The following SPON2 variants were observed in gnomAD, a reference collection of about 807,000 sequenced individuals.
The protein encoded by SPON2 is spondin-2.
A neutral mutation model predicts 29.9 loss-of-function variants in SPON2; 32 were observed. The observed-to-expected ratio is 1.07, with a 90% CI of 0.81 to 1.44. The LOEUF (loss-of-function observed/expected upper bound fraction) is 1.44, where lower values mean the gene tolerates loss of function less well. SPON2 is among the 40% of genes most tolerant of loss of function. The pLI is 0.00. For missense variants in SPON2, 541 were observed against 455.5 expected (o/e 1.19, Z -1.71); for synonymous variants, 248 against 209.1 (o/e 1.19, Z -1.61).
intron 1 of SPON2, among the ~76,000 whole-genome samples, chr4:1,203,993 C>T (rs1352964602): frequency 6.6e-6 from 1 of 152,140 alleles, no homozygotes; most frequent in African/African-American, 2.4e-5. Flanking sequence ...GCCTCTGCCT[C>T]CTGAGTAGCT....
At chr4:1,205,954 C>T (rs185204431) in intron 1 of SPON2, among the ~76,000 whole-genome samples, 206 of 152,266 alleles carry the variant, frequency 1.4e-3, no homozygotes, top group African/African-American at 4.6e-3. Context: ...CCCTAGCTCC[C>T]CTGGCTGCCT....
intron 1 of SPON2, among the ~76,000 whole-genome samples, chr4:1,207,356 G>A (rs1333717253): frequency 6.6e-6 from 1 of 152,156 alleles, no homozygotes; most frequent in Non-Finnish European, 1.5e-5. Context: ...TCCCCACAGT[G>A]GGCACCCCCA....
intron 5 of SPON2, chr4:1,167,947 C>CTGGGAACCCCG (rs572141640): frequency 2.9e-6 from 1 of 348,108 alleles, no homozygotes; most frequent in Non-Finnish European, 5.2e-6. Flanking sequence ...TAAGGGGCCC[C>CTGGGAACCCCG]TGGGAACCCC....
At chr4:1,183,240 CAAA>C (rs71168813) in intron 1 of SPON2, among the ~76,000 whole-genome samples, 2 of 129,138 alleles carry the variant, frequency 1.5e-5, no homozygotes, top group African/African-American at 3.0e-5. Flanking sequence ...GAAACTCCAT[CAAA>C]AAAAAAAAAA....
chr4:1,200,776 C>A (rs1176828920), intron 1 of SPON2: 1 of 455,952 alleles, frequency 2.2e-6, no homozygotes, highest in Non-Finnish European at 4.4e-6. Flanking sequence ...CAGCCCCCCA[C>A]CCCTCTGGTC....
rs561069341 is a variant in SPON2 at position 1,183,012 on chromosome 4, T to G, written c.-238-3471A>C. 5.3e-5 allele frequency among the ~76,000 whole-genome samples: 8 copies of G among 152,122 alleles called. No homozygotes were observed. In the South Asian group the frequency reaches 1.0e-3, roughly 20 times the overall value. The stretch of plus-strand genomic sequence containing the variant: ...AGGGCTGGGTGTGGTGGCTCACTCC[T>G]GTAATCCCAGCTGAGGTCAGGAGTT... On this transcript the variant is annotated intron_variant, in intron 1 of 3. Transcript: ENST00000502483.
At position 1,195,004 on chromosome 4, in the gene SPON2, T is replaced by TTCCAACCCCACAGCCGGCGGC. The variant is rs1728023311; in HGVS notation, c.-254_-253insGCCGCCGGCTGTGGGGTTGGA. 18 of 44,772 alleles carry TTCCAACCCCACAGCCGGCGGC rather than the reference T, an allele frequency of 4.0e-4. No individual in the cohort carries two copies. The South Asian group carries it at 5.3e-3, about 13-fold the overall frequency. The allele number at this position is 44,772 out of a possible 1,614,324, so 2.8% of individuals were successfully genotyped here. ...GGCGGCCTCACCTCACAGCCGGCGG[T>TTCCAACCCCACAGCCGGCGGC]TCCAACCCCGCAGCCGGCGGCTCCA... On this transcript the variant is annotated 5_prime_UTR_variant, in exon 1 of 4. Transcript: ENST00000502483.
chr4:1,172,985 C>G (rs888635341), upstream of SPON2: 1 of 149,436 alleles, frequency 6.7e-6, no homozygotes, highest in Non-Finnish European at 1.5e-5. Context: ...CAAGCGCCTT[C>G]CTGGTGCCTC....
At chr4:1,175,607 C>T (rs796948293), upstream of SPON2, among the ~76,000 whole-genome samples, 45 of 150,244 alleles carry the variant, frequency 3.0e-4, no homozygotes, top group African/African-American at 9.8e-4. Flanking sequence ...GGTGGTGGGC[C>T]CTGGCCTGGG....
At chr4:1,172,822 C>CCGCACCCCTTTCTTTGTCTGTCTGT (rs549242541), upstream of SPON2, 151 of 151,670 alleles carry the variant, frequency 1.0e-3, 1 homozygote, top group African/African-American at 3.4e-3. Context: ...GGCAGTGCTG[C>CCGCACCCCTTTCTTTGTCTGTCTGT]CGCACCCCTT....
chr4:1,168,333 CCTCA>C (rs1335983365), intron 5 of SPON2, among the ~76,000 whole-genome samples: 1 of 152,208 alleles, frequency 6.6e-6, no homozygotes, highest in Non-Finnish European at 1.5e-5. Flanking sequence ...AGGAGCCCCG[CCTCA>C]CTCTGCCGTG....
upstream of SPON2, chr4:1,197,224 GAAA>G (rs1431352820): frequency 6.6e-6 from 1 of 152,198 alleles, no homozygotes; most frequent in Non-Finnish European, 1.5e-5. Context: ...TTCCTCACGG[GAAA>G]CAGAGCTTCC....
At chr4:1,184,704 G>A (rs538763930) in intron 1 of SPON2, among the ~76,000 whole-genome samples, 14 of 152,178 alleles carry the variant, frequency 9.2e-5, no homozygotes, top group Admixed American at 3.9e-4. Context: ...GGAGGCTGAG[G>A]CAGGCAGATC....
At chr4:1,189,655 A>AAAAAAAAG (rs1560208668) in intron 1 of SPON2, among the ~76,000 whole-genome samples, 2 of 145,570 alleles carry the variant, frequency 1.4e-5, no homozygotes, top group African/African-American at 2.6e-5. Context: ...AAAAAAAAAA[A>AAAAAAAAG]AAAGAAAGAA....
At chr4:1,173,873 A>C (rs1727535657), upstream of SPON2, among the ~76,000 whole-genome samples, 1 of 152,212 alleles carries the variant, frequency 6.6e-6, no homozygotes, top group South Asian at 2.1e-4. Context: ...GTGCTTCTCA[A>C]ATGTTTTTAT....
chr4:1,208,063 CCA>C (rs1728390325), exon 1 of SPON2: 1 of 152,736 alleles, frequency 6.5e-6, no homozygotes, highest in Non-Finnish European at 1.5e-5. Flanking sequence ...GGCCCAGTGG[CCA>C]GATGGTTTTC....
upstream of SPON2, among the ~76,000 whole-genome samples, chr4:1,176,090 C>T (rs934474798): frequency 5.3e-5 from 8 of 152,072 alleles, no homozygotes; most frequent in Non-Finnish European, 7.4e-5. Context: ...TGGGTTGGAT[C>T]GGGCTGGGGT....
upstream of SPON2, among the ~76,000 whole-genome samples, chr4:1,198,621 G>A (rs875475): frequency 0.48 from 72,181 of 151,736 alleles, 17,512 homozygotes; most frequent in South Asian, 0.55. Flanking sequence ...CCAACGCAGC[G>A]TCGGCGGATT....
chr4:1,170,211 C>T, intron 5 of SPON2, 191 bp downstream of exon 5: 2 of 643,714 alleles, frequency 3.1e-6, no homozygotes, highest in East Asian at 2.7e-5. Context: ...CTTTCAACTG[C>T]AAATAATGTG....
Sources: allele counts gnomAD v4.1 joint callset (sites outside exome capture counted in the v4.1 genomes callset), GRCh38; gene constraint gnomAD v4.1.1; transcripts MANE v1.5; gene names NCBI Gene and HGNC (gene_info 2026-07-23, HGNC 2026-07-21).